LRRC55: variants seen among roughly 807,000 people sequenced by gnomAD.
LRRC55 encodes leucine-rich repeat-containing protein 55.
In LRRC55, 11 loss-of-function variants were observed where a neutral mutation model predicts 20.5. That is an observed-to-expected ratio of 0.54 (90% CI 0.34 to 0.89). The LOEUF (loss-of-function observed/expected upper bound fraction) is 0.89, where lower values mean the gene tolerates loss of function less well. LRRC55 is among the 40% of genes least tolerant of loss of function. LRRC55 has a pLI of 0.02. For synonymous variants in LRRC55, 188 were observed against 166.6 expected (o/e 1.13, Z -0.99); for missense variants, 358 against 390.9 (o/e 0.92, Z 0.71).
In LRRC55 at chr11:57,189,290, G is replaced by C. The variant is rs995202629; in HGVS notation, c.*1810G>C. 6.6e-6 allele frequency: 1 copy of C among 152,226 alleles called. No individual in the cohort carries two copies. The highest frequency in any genetic ancestry group is 2.4e-5 in the African/African-American group (1 of 41,464). The allele number at this position is 152,226 out of a possible 1,614,324, so 9.4% of individuals were successfully genotyped here. A position where few individuals can be genotyped will look rare whatever the true frequency, so the allele number is the denominator to read the frequency against. ...TTCTCTTTCCAGTGCTTTCTCAAGT[G>C]CTTGGGGAAGAGAATGCCTCAGAAG... On this transcript the variant is annotated 3_prime_UTR_variant, in exon 2 of 2. Transcript: ENST00000497933.
In LRRC55 at chr11:57,187,561, G is replaced by A; in HGVS notation, c.*81G>A. 1.1e-5 allele frequency: 14 copies of A among 1,318,356 alleles called. No homozygotes were observed. Among genetic ancestry groups the A allele is most frequent in the Non-Finnish European group, 1.3e-5 (12 of 942,820 alleles). The allele number at this position is 1,318,356 out of a possible 1,614,324, so 81.7% of individuals were successfully genotyped here. ...ACGCCCTCCCTGACTGCTCACTCTG[G>A]TTCCATGGTGACCTGGCTGCCTCAG... On this transcript the variant is annotated 3_prime_UTR_variant, in exon 2 of 2. Transcript: ENST00000497933.
At chr11:57,185,657 G>T (rs965178724) in intron 1 of LRRC55, among the ~76,000 whole-genome samples, 7 of 151,876 alleles carry the variant, frequency 4.6e-5, no homozygotes, top group Non-Finnish European at 8.8e-5. Context: ...CAAAAAAAAA[G>T]ACTTACCCAA....
chr11:57,187,450 G>T lies in LRRC55; in HGVS notation c.867G>T (p.Trp289Cys), dbSNP rs757064832. ...LGITANCCHR[W>C]SKASEEEEI ...TCACTGCCAACTGCTGCCACCGCTGGAGCAAGGCCAGTGAAGAGGAAGAGA... is the reference window on the plus strand; with the variant it reads ...TCACTGCCAACTGCTGCCACCGCTGTAGCAAGGCCAGTGAAGAGGAAGAGA... Residue 289 changes from tryptophan (W) to cysteine (C), a missense_variant, in exon 2 of 2, where the codon TGG becomes TGT. Transcript: ENST00000497933. 3.1e-6 allele frequency: 5 copies of T among 1,614,018 alleles called. No individual in the cohort carries two copies. Among genetic ancestry groups the T allele is most frequent in the Non-Finnish European group, 4.2e-6 (5 of 1,180,042 alleles).
intron 1 of LRRC55, among the ~76,000 whole-genome samples, chr11:57,186,790 G>C (rs1371831273): frequency 6.6e-6 from 1 of 152,188 alleles, no homozygotes; most frequent in East Asian, 1.9e-4. Context: ...TCCATTCAAA[G>C]ACAGGAATCC....
At chr11:57,183,338 G>A (rs1854387683) in intron 1 of LRRC55, among the ~76,000 whole-genome samples, 1 of 152,198 alleles carries the variant, frequency 6.6e-6, no homozygotes, top group East Asian at 1.9e-4. Context: ...ATATGTTCCA[G>A]GAGGAACTTG....
intron 1 of LRRC55, among the ~76,000 whole-genome samples, chr11:57,184,043 C>A (rs1854397808): frequency 6.6e-6 from 1 of 152,184 alleles, no homozygotes; most frequent in African/African-American, 2.4e-5. Context: ...GAGAGGAGGA[C>A]TGAGTGGGGA....
In LRRC55 at chr11:57,187,422, G is replaced by C. The variant is rs1457737143; in HGVS notation, c.839G>C (p.Gly280Ala). The change falls in exon 2 of 2, where the codon GGC (glycine) becomes GCC (alanine). Residue 280 changes from glycine to alanine, a missense_variant. By Grantham distance (60) the Gly-to-Ala change is moderately conservative (BLOSUM62 0). Around this residue, in one of 3 missense-constraint regions of LRRC55, gnomAD observed 178 missense variants for 207.9 expected, o/e 0.86. Transcript: ENST00000497933. Reference protein sequence around the residue: ...IASVATNFLLGITANCCHRWS... With the variant: ...IASVATNFLLAITANCCHRWS... The stretch of plus-strand genomic sequence containing the variant: ...TCTGTGGCCACCAACTTCCTCCTGG[G>C]CATCACTGCCAACTGCTGCCACCGC... 1 of 1,614,190 alleles carries C rather than the reference G, an allele frequency of 6.2e-7. No homozygotes were observed. Among genetic ancestry groups the C allele is most frequent in the Admixed American group, 1.7e-5 (1 of 60,022 alleles).
intron 1 of LRRC55, among the ~76,000 whole-genome samples, chr11:57,183,724 G>T (rs921997522): frequency 2.6e-4 from 40 of 152,202 alleles, no homozygotes; most frequent in Non-Finnish European, 5.9e-5. Flanking sequence ...TTGGGCACAG[G>T]GTAGGGAGCT....
At chr11:57,186,851 A>G (rs143895645) in intron 1 of LRRC55, among the ~76,000 whole-genome samples, 26 of 152,192 alleles carry the variant, frequency 1.7e-4, no homozygotes, top group African/African-American at 6.0e-4. Context: ...GTTTGAAAGA[A>G]CCACTCAGCT....
rs941922409 is a variant in LRRC55 at position 57,182,433 on chromosome 11, T to G, written c.411T>G (p.His137Gln). 1.2e-6 allele frequency: 2 copies of G among 1,612,656 alleles called. No individual in the cohort carries two copies. Among genetic ancestry groups the G allele is most frequent in the Non-Finnish European group, 1.7e-6 (2 of 1,180,028 alleles). Residue 137 changes from histidine (H) to glutamine (Q), a missense_variant, in exon 1 of 2, where the codon CAT becomes CAG. Transcript: ENST00000497933. ...HVPADMFQEA[H>Q]GLVHIDLSHN... ...CAGCCGACATGTTCCAGGAGGCCCATGGGCTAGTCCACATCGACCTGAGCC... is the reference window on the plus strand; with the variant it reads ...CAGCCGACATGTTCCAGGAGGCCCAGGGGCTAGTCCACATCGACCTGAGCC...
In LRRC55 at chr11:57,191,369, T is replaced by G. The variant is rs1002430325; in HGVS notation, c.*3889T>G. 1.3e-5 allele frequency: 2 copies of G among 152,186 alleles called. No homozygotes were observed. Among genetic ancestry groups the G allele is most frequent in the Non-Finnish European group, 2.9e-5 (2 of 68,034 alleles). The allele number at this position is 152,186 out of a possible 1,614,324, so 9.4% of individuals were successfully genotyped here. A position where few individuals can be genotyped will look rare whatever the true frequency, so the allele number is the denominator to read the frequency against. On this transcript the variant is annotated 3_prime_UTR_variant, in exon 2 of 2. Transcript: ENST00000497933. ...CAGTAGAAGACTAAAAAGATATATC[T>G]TAACCCATTCCTCAAAAGGACATCT...
At position 57,182,099 on chromosome 11, in the gene LRRC55, C is replaced by A; in HGVS notation, c.77C>A (p.Ala26Glu). The A allele has an allele frequency of 6.2e-7, 1 of 1,614,160 alleles. No individual in the cohort carries two copies. Among genetic ancestry groups the A allele is most frequent in the Non-Finnish European group, 8.5e-7 (1 of 1,180,024 alleles). Residue 26 changes from alanine (A) to glutamate (E), a missense_variant, in exon 1 of 2, where the codon GCA becomes GAA. Coordinates refer to ENST00000497933, the MANE Select transcript of LRRC55 (RefSeq NM_001005210.4). ...ATGCTGCTGATCTCCCTCCTCTTGG[C>A]AGCCGGGTTGATGCACTCGGATGCC... is the stretch of plus-strand genomic sequence containing the variant. The part of the protein sequence containing the change: ...PAMLLISLLL[A>E]AGLMHSDAGT...
intron 1 of LRRC55, among the ~76,000 whole-genome samples, chr11:57,183,527 TCCTGG>T (rs1854389938): frequency 2.6e-5 from 4 of 152,056 alleles, no homozygotes; most frequent in Admixed American, 2.6e-4. Context: ...AGGATTTGAG[TCCTGG>T]CAATCTCCCT....
chr11:57,186,721 C>G (rs548784934), intron 1 of LRRC55, among the ~76,000 whole-genome samples: 1 of 152,104 alleles, frequency 6.6e-6, no homozygotes, highest in Admixed American at 6.5e-5. Context: ...AAGTAAGGAA[C>G]AGAGTGGAAG....
intron 1 of LRRC55, among the ~76,000 whole-genome samples, chr11:57,186,583 T>C (rs1223009967): frequency 6.6e-6 from 1 of 152,164 alleles, no homozygotes; most frequent in Non-Finnish European, 1.5e-5. Context: ...AGCTGAGCTG[T>C]GCAGAGATCG....
chr11:57,187,209 C>A, intron 1 of LRRC55, 36 bp from the exon 2 acceptor site: 1 of 1,589,630 alleles, frequency 6.3e-7, no homozygotes, highest in Non-Finnish European at 8.6e-7. Flanking sequence ...CTCTCCTTCC[C>A]TGGGTACCTC....
chr11:57,185,214 T>C (rs965916012), intron 1 of LRRC55, among the ~76,000 whole-genome samples: 1 of 152,010 alleles, frequency 6.6e-6, no homozygotes, highest in African/African-American at 2.4e-5. Context: ...GAAAATGTCT[T>C]CATACTGACT....
At position 57,187,275 on chromosome 11, in the gene LRRC55, C is replaced by G. The variant is rs1045368276; in HGVS notation, c.692C>G (p.Pro231Arg). 6.8e-6 allele frequency: 11 copies of G among 1,613,892 alleles called. No individual in the cohort carries two copies. The highest frequency in any genetic ancestry group is 9.3e-6 in the Non-Finnish European group (11 of 1,180,020). The change falls in exon 2 of 2, where the codon CCT becomes CGT. Residue 231 changes from proline to arginine, a missense_variant. By Grantham distance (103) the Pro-to-Arg change is moderately radical (BLOSUM62 -2). Around this residue, in one of 3 missense-constraint regions of LRRC55, gnomAD observed 178 missense variants for 207.9 expected, o/e 0.86. Coordinates refer to ENST00000497933, the MANE Select transcript of LRRC55 (RefSeq NM_001005210.4). ...DSQLAECRGP[P>R]EVEGAPLFSL... ...CAGCTGGCTGAGTGCCGGGGCCCTC[C>G]TGAAGTCGAGGGCGCCCCGCTCTTC...
At chr11:57,182,810 C>A in intron 1 of LRRC55, 127 bp downstream of exon 1, 1 of 979,858 alleles carries the variant, frequency 1.0e-6, no homozygotes, top group Non-Finnish European at 1.4e-6. Context: ...GTGGGCTTGC[C>A]TCTTTGTACA....
Sources: allele counts gnomAD v4.1 joint callset (sites outside exome capture counted in the v4.1 genomes callset), GRCh38; gene constraint gnomAD v4.1.1; regional missense constraint gnomAD v4.1.1; transcripts MANE v1.5; gene names NCBI Gene and HGNC (gene_info 2026-07-23, HGNC 2026-07-21).